Variants in ATP2A1 observed in about 807,000 individuals in gnomAD.
The protein encoded by ATP2A1 is sarcoplasmic/endoplasmic reticulum calcium ATPase 1.
In ATP2A1, 83 loss-of-function variants were observed where a neutral mutation model predicts 109.5. That is an observed-to-expected ratio of 0.76 (90% CI 0.63 to 0.91). ATP2A1 has a LOEUF of 0.91. Ranked by LOEUF, ATP2A1 falls within the 40% of genes least tolerant of loss-of-function variation. The probability of loss-of-function intolerance (pLI) is 0.00; values close to 1 mark genes in which losing one functional copy is unlikely to be tolerated. For synonymous variants in ATP2A1, 505 were observed against 537.6 expected (o/e 0.94, Z 0.84); for missense variants, 1,101 against 1,341.0 (o/e 0.82, Z 2.80).
chr16:28,898,386 C>A lies in ATP2A1; in HGVS notation c.1699C>A (p.Arg567=). Residue 567 remains arginine (R), a synonymous_variant, in exon 14 of 23, where the codon CGG becomes AGG. Transcript: ENST00000395503. This position sits in a 1 kb window ranked among gnomAD's most constrained non-coding sequence, Gnocchi z 4.0. ...DTLRCLALAT[R]DTPPKREEMV... is the part of the protein sequence containing the mutation. ...CCTGCGCTGCTTGGCCCTGGCCACC[C>A]GGGACACCCCCCCGAAGCGAGAGGA... The A allele has an allele frequency of 3.7e-6, 6 of 1,614,182 alleles. No individual in the cohort carries two copies. The highest frequency in any genetic ancestry group is 5.1e-6 in the Non-Finnish European group (6 of 1,180,040).
At chr16:28,899,978 A>G (rs1032919397) in intron 14 of ATP2A1, among the ~76,000 whole-genome samples, 1 of 133,836 alleles carries the variant, frequency 7.5e-6, no homozygotes, top group Non-Finnish European at 1.6e-5. Flanking sequence ...AAACAAAACA[A>G]AAACAAAAAC....
Position 28,888,815 on chromosome 16 carries a change from G to T in ATP2A1, c.957G>T (p.Leu319=). The T allele has an allele frequency of 1.2e-6, 2 of 1,613,650 alleles. No individual in the cohort carries two copies. Among genetic ancestry groups the T allele is most frequent in the Non-Finnish European group, 1.7e-6 (2 of 1,179,886 alleles). The change falls in exon 9 of 23, where the codon CTG becomes CTT. Residue 319 remains leucine (L), a synonymous_variant. Coordinates refer to ENST00000395503, the MANE Select transcript of ATP2A1 (RefSeq NM_004320.6). ...TTCCTGCAGTCATCACCACCTGCCTGGCCCTGGGTACCCGTCGGATGGCAA... is the reference window on the plus strand; with the variant it reads ...TTCCTGCAGTCATCACCACCTGCCTTGCCCTGGGTACCCGTCGGATGGCAA... The part of the protein sequence containing the change: ...EGLPAVITTC[L]ALGTRRMAKK...
rs944706291 is a variant in ATP2A1, at chr16:28,880,659, G to C, written c.220-256G>C. Among the ~76,000 whole-genome samples the C allele has an allele frequency of 2.0e-5, 3 of 152,242 alleles. No individual in the cohort carries two copies. Among genetic ancestry groups the C allele is most frequent in the Non-Finnish European group, 4.4e-5 (3 of 68,044 alleles). On this transcript the variant is annotated intron_variant, in intron 3 of 22. Transcript: ENST00000395503. The surrounding 1 kb of genome is among the most constrained non-coding windows in gnomAD (Gnocchi z 4.2). ...GCCAGCAGCTTGGTCAGGGAAACCT[G>C]AAAGCATTCCCAGCTAATCCCCCAA...
intron 3 of ATP2A1, chr16:28,879,990 C>T (rs1026357231): frequency 4.6e-5 from 47 of 1,018,742 alleles, no homozygotes; most frequent in African/African-American, 1.9e-4. Context: ...CGCCCCTGCC[C>T]CGCCCTCCCC....
At chr16:28,890,939 G>T (rs750384575) in intron 9 of ATP2A1, among the ~76,000 whole-genome samples, 5 of 151,808 alleles carry the variant, frequency 3.3e-5, no homozygotes, top group Non-Finnish European at 7.4e-5. Flanking sequence ...TGCCCACCTC[G>T]GCCTCCCAAA....
At chr16:28,886,674 GC>G (rs1326236927) in intron 6 of ATP2A1, among the ~76,000 whole-genome samples, 3 of 151,904 alleles carry the variant, frequency 2.0e-5, no homozygotes, top group African/African-American at 7.3e-5. Context: ...TCAAGCTGGG[GC>G]TTGGGTCGAG....
intron 4 of ATP2A1, among the ~76,000 whole-genome samples, chr16:28,882,094 G>A (rs571062926): frequency 1.5e-5 from 2 of 135,336 alleles, no homozygotes; most frequent in African/African-American, 2.9e-5. Context: ...GTGCTACTAC[G>A]CCCGGCTTTT....
chr16:28,887,519 C>T lies in ATP2A1; in HGVS notation c.725C>T (p.Thr242Ile). ...AAGATCCGAGACCAAATGGCTGCCA[C>T]AGAACAGGACAAGACCCCCTTGCAG... ...IGKIRDQMAA[T>I]EQDKTPLQQK... The change falls in exon 8 of 23, where the codon ACA (threonine) becomes ATA (isoleucine). Residue 242 changes from threonine to isoleucine, a missense_variant. Transcript: ENST00000395503. 1 of 1,614,034 alleles carries T rather than the reference C, an allele frequency of 6.2e-7. No homozygotes were observed. The highest frequency in any genetic ancestry group is 8.5e-7 in the Non-Finnish European group (1 of 1,180,004).
In ATP2A1 at chr16:28,904,458, A is replaced by C; in HGVS notation, c.*316A>C. On this transcript the variant is annotated 3_prime_UTR_variant, in exon 23 of 23. Coordinates refer to ENST00000395503, the MANE Select transcript of ATP2A1 (RefSeq NM_004320.6). Reference sequence around the variant, plus strand: ...CTTATTTATTGAAAATAAACGACGGAAAAGTCTGGCCTTGCCTCTGTGCAA... The same window carrying C: ...CTTATTTATTGAAAATAAACGACGGCAAAGTCTGGCCTTGCCTCTGTGCAA... 1 of 1,519,710 alleles carries C rather than the reference A, an allele frequency of 6.6e-7. No individual in the cohort carries two copies. The highest frequency in any genetic ancestry group is 8.8e-7 in the Non-Finnish European group (1 of 1,136,598). 94.1% of individuals were successfully genotyped at this position (1,519,710 alleles called of 1,614,324 possible).
At chr16:28,887,404 G>A in intron 7 of ATP2A1, 21 bp from the exon 8 acceptor site, 3 of 1,613,950 alleles carry the variant, frequency 1.9e-6, no homozygotes, top group Non-Finnish European at 2.5e-6. Context: ...CTGATTCCCT[G>A]CCTCCTCTTT....
At position 28,900,636 on chromosome 16, in the gene ATP2A1, T is replaced by C; in HGVS notation, c.1820T>C (p.Val607Ala). 1 of 1,599,954 alleles carries C rather than the reference T, an allele frequency of 6.3e-7. No homozygotes were observed. The highest frequency in any genetic ancestry group is 2.2e-5 in the East Asian group (1 of 44,588). The change falls in exon 15 of 23, where the codon GTC (valine) becomes GCC (alanine). Residue 607 changes from valine to alanine, a missense_variant. Coordinates refer to ENST00000395503, the MANE Select transcript of ATP2A1 (RefSeq NM_004320.6). ...ATGCTGGACCCTCCGCGCAAGGAGG[T>C]CACGGGCTCCATCCAGCTGTGCCGT... The part of the protein sequence containing the change: ...VGMLDPPRKE[V>A]TGSIQLCRDA...
intron 9 of ATP2A1, 91 bp downstream of exon 9, chr16:28,889,044 T>A: frequency 4.5e-6 from 7 of 1,545,224 alleles, no homozygotes; most frequent in Non-Finnish European, 5.3e-6. Flanking sequence ...CCTTCATCAC[T>A]GCTGGCTTCT....
rs748016025 is a variant in ATP2A1 at position 28,880,876 on chromosome 16, G to C, written c.220-39G>C. 1.3e-6 allele frequency: 2 copies of C among 1,566,294 alleles called. No homozygotes were observed. The highest frequency in any genetic ancestry group is 2.2e-5 in the East Asian group (1 of 44,628). ...ACTTCCTTTCTCCATCTGTTTTGGG[G>C]CCTCATTACCTGTCATTCTCCTTTC... On this transcript the variant is annotated intron_variant, in intron 3 of 22. Coordinates refer to ENST00000395503, the MANE Select transcript of ATP2A1 (RefSeq NM_004320.6). The surrounding 1 kb of genome is among the most constrained non-coding windows in gnomAD (Gnocchi z 4.2).
intron 8 of ATP2A1, 93 bp from the exon 9 acceptor site, chr16:28,888,694 C>T (rs961618799): frequency 2.9e-5 from 42 of 1,452,908 alleles, no homozygotes; most frequent in African/African-American, 4.2e-5. Context: ...TGTGCACCAA[C>T]GTGCCCAGCT....
rs369353262 is a variant in ATP2A1 at position 28,883,669 on chromosome 16, G to A, written c.464-906G>A. On this transcript the variant is annotated intron_variant, in intron 5 of 22. Coordinates refer to ENST00000395503, the MANE Select transcript of ATP2A1 (RefSeq NM_004320.6). The surrounding 1 kb of genome is among the most constrained non-coding windows in gnomAD (Gnocchi z 5.2). ...ATCCACCTCTCCAGCCCCCCGACAA[G>A]GTGGTTTCCATGGCCTGCCAGCCCA... 5.2e-3 allele frequency among the ~76,000 whole-genome samples: 791 copies of A among 152,160 alleles called. 76 individuals are homozygous for A. In the South Asian group the frequency reaches 0.16, roughly 31 times the overall value.
In ATP2A1 at chr16:28,902,891, G is replaced by T; in HGVS notation, c.2724G>T (p.Glu908Asp). ...CCCTGTCCGTGCTGGTGACCATCGA[G>T]ATGTGCAATGCACTGAACAGGTGGG... Reference protein sequence around the residue: ...TMALSVLVTIEMCNALNSLSE... With the variant: ...TMALSVLVTIDMCNALNSLSE... Residue 908 changes from glutamate (E) to aspartate (D), a missense_variant, in exon 19 of 23, where the codon GAG (glutamate) becomes GAT (aspartate). Transcript: ENST00000395503. The surrounding 1 kb of genome is among the most constrained non-coding windows in gnomAD (Gnocchi z 4.8). 5 of 1,613,958 alleles carry T rather than the reference G, an allele frequency of 3.1e-6. No individual in the cohort carries two copies. The highest frequency in any genetic ancestry group is 4.2e-6 in the Non-Finnish European group (5 of 1,179,958).
Position 28,896,639 on chromosome 16 carries a change from T to C in ATP2A1, c.1420-1361T>C, listed in dbSNP as rs535456718. On this transcript the variant is annotated intron_variant, in intron 12 of 22. Coordinates refer to ENST00000395503, the MANE Select transcript of ATP2A1 (RefSeq NM_004320.6). ...TGTTGGTCAGGCTGGTCTTGAACTC[T>C]TGACCTCGTGATCTGCCTGCCTCGG... is the stretch of plus-strand genomic sequence containing the variant. Among the ~76,000 whole-genome samples, 12 of 151,930 alleles carry C rather than the reference T, an allele frequency of 7.9e-5. No homozygotes were observed. The East Asian group carries it at 2.3e-3, about 30-fold the overall frequency.
intron 12 of ATP2A1, among the ~76,000 whole-genome samples, chr16:28,897,324 T>C (rs1035357898): frequency 6.6e-6 from 1 of 151,600 alleles, no homozygotes; most frequent in African/African-American, 2.4e-5. Flanking sequence ...GGAGACTCTA[T>C]CTCTAAAACA....
rs2152195515 is a variant in ATP2A1, at chr16:28,878,587, A to C, written c.-85A>C. On this transcript the variant is annotated 5_prime_UTR_variant, in exon 1 of 23. Coordinates refer to ENST00000395503, the MANE Select transcript of ATP2A1 (RefSeq NM_004320.6). ...AAAGAAGAAACCCAGGCAGACAGGC[A>C]GTTGGACACACTGAGGAAGACCCCC... The C allele has an allele frequency of 1.8e-6, 2 of 1,109,932 alleles. No individual in the cohort carries two copies. Among genetic ancestry groups the C allele is most frequent in the Non-Finnish European group, 2.7e-6 (2 of 744,710 alleles). 68.8% of individuals were successfully genotyped at this position (1,109,932 alleles called of 1,614,324 possible).
Sources: gnomAD v4.1 joint callset for allele counts (sites outside exome capture counted in the v4.1 genomes callset) on GRCh38, gnomAD v4.1.1 for gene constraint, Gnocchi (gnomAD v3.1) non-coding constraint, MANE v1.5 for transcripts, NCBI Gene and HGNC (gene_info 2026-07-23, HGNC 2026-07-21) for gene names.